The following LRRC4C variants were observed in gnomAD, a reference collection of about 807,000 sequenced individuals.
The protein encoded by LRRC4C is leucine-rich repeat-containing protein 4C.
A neutral mutation model predicts 33.6 loss-of-function variants in LRRC4C; 5 were observed. The ratio of observed to expected loss-of-function variants is 0.15; its 90% CI spans 0.08 to 0.31. The LOEUF (loss-of-function observed/expected upper bound fraction) is 0.31. LRRC4C is among the 10% of genes least tolerant of loss of function. LRRC4C has a pLI of 1.00. For synonymous variants in LRRC4C, 329 were observed against 302.0 expected (o/e 1.09, Z -0.93); for missense variants, 560 against 796.7 (o/e 0.70, Z 3.58).
intron 3 of LRRC4C, among the ~76,000 whole-genome samples, chr11:40,514,006 T>C (rs1955452945): frequency 6.6e-6 from 1 of 152,194 alleles, no homozygotes; most frequent in Admixed American, 6.5e-5. Flanking sequence ...CTATGAATCC[T>C]CTTGGAATTG....
intron 2 of LRRC4C, among the ~76,000 whole-genome samples, chr11:40,908,270 A>C (rs1254905880): frequency 1.3e-5 from 2 of 152,162 alleles, no homozygotes; most frequent in African/African-American, 4.8e-5. Context: ...AATTTATATC[A>C]GCTCAAAAGA....
chr11:41,291,384 G>A (rs1949988633), intron 1 of LRRC4C, among the ~76,000 whole-genome samples: 1 of 152,034 alleles, frequency 6.6e-6, no homozygotes, highest in South Asian at 2.1e-4. Context: ...GTTTTCATTT[G>A]CCTAGTCATT....
intron 1 of LRRC4C, among the ~76,000 whole-genome samples, chr11:41,145,282 T>A (rs1016086960): frequency 6.6e-6 from 1 of 152,198 alleles, no homozygotes; most frequent in African/African-American, 2.4e-5. Context: ...ATTAATACCA[T>A]AATACTATTT....
chr11:41,408,754 A>AAAAAAAAAAAAC (rs1555167127), intron 1 of LRRC4C, among the ~76,000 whole-genome samples: 31 of 149,424 alleles, frequency 2.1e-4, no homozygotes, highest in African/African-American at 7.7e-4. Flanking sequence ...TTGTAAAAAA[A>AAAAAAAAAAAAC]AAAAAAAAAA....
chr11:41,426,629 T>C (rs1341955920), intron 1 of LRRC4C: 2 of 152,190 alleles, frequency 1.3e-5, no homozygotes, highest in African/African-American at 4.8e-5. Flanking sequence ...TGTTCCATGG[T>C]TTAGTATTAG....
chr11:41,141,898 A>G (rs777826147), intron 1 of LRRC4C, among the ~76,000 whole-genome samples: 9 of 152,190 alleles, frequency 5.9e-5, no homozygotes, highest in Non-Finnish European at 1.0e-4. Flanking sequence ...ATTTAGGTAC[A>G]ATATGAGGTT....
At chr11:41,006,452 G>A (rs375585782) in intron 1 of LRRC4C, among the ~76,000 whole-genome samples, 1 of 151,994 alleles carries the variant, frequency 6.6e-6, no homozygotes, top group Admixed American at 6.6e-5. Flanking sequence ...ATCTCTATTG[G>A]CCACTCCCCA....
chr11:40,330,735 A>C (rs558878259), intron 3 of LRRC4C, among the ~76,000 whole-genome samples: 1 of 152,232 alleles, frequency 6.6e-6, no homozygotes, highest in African/African-American at 2.4e-5. Context: ...ACATGGAAAT[A>C]ACCAACCCCA....
At chr11:40,450,799 G>C (rs138978392) in intron 3 of LRRC4C, among the ~76,000 whole-genome samples, 1 of 149,054 alleles carries the variant, frequency 6.7e-6, no homozygotes, top group African/African-American at 2.5e-5. Flanking sequence ...AAAGAACTGC[G>C]CATATAAAGT....
At chr11:40,201,690 C>A (rs531368869) in intron 5 of LRRC4C, among the ~76,000 whole-genome samples, 1 of 152,146 alleles carries the variant, frequency 6.6e-6, no homozygotes, top group African/African-American at 2.4e-5. Context: ...TGAACAATAC[C>A]TGCTTTAAGG....
chr11:41,127,705 T>C (rs565919466), intron 1 of LRRC4C, among the ~76,000 whole-genome samples: 3 of 146,992 alleles, frequency 2.0e-5, no homozygotes, highest in African/African-American at 5.0e-5. Flanking sequence ...GAGTGTTTAA[T>C]TGCCGTGCTT....
intron 2 of LRRC4C, among the ~76,000 whole-genome samples, chr11:40,906,074 A>G (rs1173065466): frequency 6.6e-6 from 1 of 152,222 alleles, no homozygotes; most frequent in African/African-American, 2.4e-5. Flanking sequence ...CTGGTCAGTC[A>G]GCAGCCATCA....
intron 1 of LRRC4C, among the ~76,000 whole-genome samples, chr11:41,439,337 C>T (rs549784004): frequency 1.3e-5 from 2 of 152,282 alleles, no homozygotes; most frequent in South Asian, 4.1e-4. Context: ...CTGCAATATA[C>T]ATACAATTGC....
intron 5 of LRRC4C, among the ~76,000 whole-genome samples, chr11:40,157,830 C>T (rs189177113): frequency 1.3e-5 from 2 of 152,120 alleles, no homozygotes; most frequent in Non-Finnish European, 2.9e-5. Flanking sequence ...CTAGTACAGC[C>T]ACTATGGAAA....
intron 3 of LRRC4C, among the ~76,000 whole-genome samples, chr11:40,626,702 C>T (rs1331045972): frequency 6.6e-6 from 1 of 152,192 alleles, no homozygotes; most frequent in Non-Finnish European, 1.5e-5. Context: ...GTCCTAATAT[C>T]CATTATCCAA....
chr11:40,513,153 G>T (rs2135154450), intron 3 of LRRC4C, among the ~76,000 whole-genome samples: 1 of 151,170 alleles, frequency 6.6e-6, no homozygotes, highest in Middle Eastern at 3.4e-3. Flanking sequence ...GGAGGCTGAG[G>T]CAGGAGAATC....
intron 2 of LRRC4C, among the ~76,000 whole-genome samples, chr11:40,783,006 G>T (rs935674229): frequency 3.3e-5 from 5 of 151,952 alleles, no homozygotes; most frequent in Non-Finnish European, 7.4e-5. Flanking sequence ...ATTATTTTTA[G>T]ACATAAATAC....
At chr11:40,849,591 C>T (rs886441430) in intron 2 of LRRC4C, among the ~76,000 whole-genome samples, 1 of 152,008 alleles carries the variant, frequency 6.6e-6, no homozygotes, top group Non-Finnish European at 1.5e-5. Context: ...TCATTTCAAC[C>T]TTGGTTAATC....
chr11:40,769,509 C>T (rs964824478), intron 2 of LRRC4C, among the ~76,000 whole-genome samples: 7 of 152,074 alleles, frequency 4.6e-5, no homozygotes, highest in Non-Finnish European at 4.4e-5. Context: ...CACAAAAGAC[C>T]TATAATAGCA....
Sources: allele counts gnomAD v4.1 joint callset (sites outside exome capture counted in the v4.1 genomes callset), GRCh38; gene constraint gnomAD v4.1.1; transcripts MANE v1.5; gene names NCBI Gene and HGNC (gene_info 2026-07-23, HGNC 2026-07-21).